Variants in MACROD2 observed in about 807,000 individuals in gnomAD.
MACROD2 encodes mono-ADP ribosylhydrolase 2.
Under a neutral mutation model 70.4 loss-of-function variants are expected in MACROD2, and 36 were observed. The ratio of observed to expected loss-of-function variants is 0.51; its 90% CI spans 0.39 to 0.68. The LOEUF is 0.68. Among genes scored for constraint, MACROD2 ranks in the 30% least tolerant of loss-of-function variants. MACROD2 has a pLI of 0.00. For missense variants in MACROD2, 496 were observed against 538.4 expected (o/e 0.92, Z 0.78); for synonymous variants, 172 against 178.8 (o/e 0.96, Z 0.30).
intron 8 of MACROD2, among the ~76,000 whole-genome samples, chr20:15,519,423 C>T (rs948886860): frequency 1.3e-5 from 2 of 152,128 alleles, no homozygotes; most frequent in Non-Finnish European, 2.9e-5. Context: ...CGTGCCCAGC[C>T]GTTTCTCTGT....
intron 5 of MACROD2, among the ~76,000 whole-genome samples, chr20:14,957,002 T>C (rs779132017): frequency 3.2e-4 from 48 of 152,200 alleles, no homozygotes; most frequent in Non-Finnish European, 5.4e-4. Context: ...AATTACAGTG[T>C]TACTTTATTT....
intron 3 of MACROD2, among the ~76,000 whole-genome samples, chr20:14,190,276 A>C (rs2081374261): frequency 6.6e-6 from 1 of 152,166 alleles, no homozygotes; most frequent in Admixed American, 6.5e-5. Context: ...TACCAATGAG[A>C]AGCCCAGACA....
intron 2 of MACROD2, among the ~76,000 whole-genome samples, chr20:14,033,767 C>G (rs2053273833): frequency 6.6e-6 from 1 of 152,112 alleles, no homozygotes; most frequent in Admixed American, 6.5e-5. Flanking sequence ...GCACCCTAGT[C>G]TTGATTTACT....
chr20:15,376,292 C>T (rs2045561361), intron 6 of MACROD2, among the ~76,000 whole-genome samples: 1 of 151,998 alleles, frequency 6.6e-6, no homozygotes, highest in Non-Finnish European at 1.5e-5. Context: ...TAAATATCAG[C>T]AGTGCAAGGA....
At chr20:14,065,812 G>GAGTC (rs2053748473) in intron 2 of MACROD2, among the ~76,000 whole-genome samples, 1 of 152,180 alleles carries the variant, frequency 6.6e-6, no homozygotes, top group African/African-American at 2.4e-5. Context: ...ACTCTTGAAA[G>GAGTC]AGGGGTTAAT....
intron 5 of MACROD2, among the ~76,000 whole-genome samples, chr20:15,043,681 TC>T (rs2075371762): frequency 6.6e-6 from 1 of 152,162 alleles, no homozygotes; most frequent in Non-Finnish European, 1.5e-5. Flanking sequence ...TGTGCTTCTC[TC>T]TAACACTTTG....
At chr20:14,611,609 C>G (rs1035503921) in intron 4 of MACROD2, among the ~76,000 whole-genome samples, 1 of 152,030 alleles carries the variant, frequency 6.6e-6, no homozygotes, top group African/African-American at 2.4e-5. Flanking sequence ...AAGGGCCTGG[C>G]TCAGTGCCTG....
At chr20:14,074,218 C>T (rs985249402) in intron 2 of MACROD2, among the ~76,000 whole-genome samples, 3 of 152,132 alleles carry the variant, frequency 2.0e-5, no homozygotes, top group Non-Finnish European at 4.4e-5. Context: ...GAGCTCAGTT[C>T]GATACTGACG....
intron 3 of MACROD2, among the ~76,000 whole-genome samples, chr20:14,236,255 A>G (rs2081869874): frequency 1.3e-5 from 2 of 152,248 alleles, no homozygotes; most frequent in Admixed American, 6.5e-5. Context: ...TAAAAATGAA[A>G]CAGTAGTTTG....
intron 8 of MACROD2, among the ~76,000 whole-genome samples, chr20:15,537,284 C>T (rs189463637): frequency 1.3e-3 from 205 of 152,200 alleles, no homozygotes; most frequent in Admixed American, 2.2e-3. Context: ...CCTCCCCAGC[C>T]ATGTGGAATT....
intron 4 of MACROD2, among the ~76,000 whole-genome samples, chr20:14,535,528 AAGAG>A (rs1444493869): frequency 1.4e-5 from 2 of 146,572 alleles, no homozygotes; most frequent in Non-Finnish European, 3.0e-5. Context: ...AAAAAAAAAA[AAGAG>A]TTATCCTTTT....
intron 3 of MACROD2, among the ~76,000 whole-genome samples, chr20:14,251,463 C>G (rs987124070): frequency 1.3e-5 from 2 of 152,036 alleles, no homozygotes; most frequent in African/African-American, 4.8e-5. Flanking sequence ...GAACACACCA[C>G]ACTTTCAGAT....
At chr20:15,624,013 CAAGG>C (rs1265753714) in intron 8 of MACROD2, among the ~76,000 whole-genome samples, 1 of 152,150 alleles carries the variant, frequency 6.6e-6, no homozygotes, top group Non-Finnish European at 1.5e-5. Context: ...AGCTGAGGAA[CAAGG>C]AAGCCAGGAG....
chr20:14,184,129 T>C (rs1254776674), intron 3 of MACROD2, among the ~76,000 whole-genome samples: 2 of 152,194 alleles, frequency 1.3e-5, no homozygotes, highest in Non-Finnish European at 2.9e-5. Context: ...TGAATTGTAT[T>C]GCATATGTTT....
intron 6 of MACROD2, among the ~76,000 whole-genome samples, chr20:15,314,011 A>G: frequency 6.6e-6 from 1 of 152,204 alleles, no homozygotes; most frequent in East Asian, 1.9e-4. Flanking sequence ...AATAATGGGT[A>G]GCTCTTCATG....
At chr20:14,131,185 G>A (rs1841261200) in intron 3 of MACROD2, among the ~76,000 whole-genome samples, 1 of 152,090 alleles carries the variant, frequency 6.6e-6, no homozygotes, top group Admixed American at 6.6e-5. Flanking sequence ...ATTGGATAAT[G>A]ACTTCTTTAA....
chr20:15,932,669 T>C (rs894238583), intron 10 of MACROD2, among the ~76,000 whole-genome samples: 1 of 152,200 alleles, frequency 6.6e-6, no homozygotes. Flanking sequence ...TCCACAGATA[T>C]AGTAGCTATT....
At chr20:15,154,419 T>G (rs1177682684) in intron 5 of MACROD2, among the ~76,000 whole-genome samples, 1 of 152,218 alleles carries the variant, frequency 6.6e-6, no homozygotes, top group Non-Finnish European at 1.5e-5. Flanking sequence ...CTACCTACTT[T>G]GGGCAGATGA....
At chr20:15,139,728 T>A (rs1287099951) in intron 5 of MACROD2, among the ~76,000 whole-genome samples, 1 of 152,132 alleles carries the variant, frequency 6.6e-6, no homozygotes, top group African/African-American at 2.4e-5. Context: ...AGAGCAGGTG[T>A]TGGGTAAGTC....
Sources: allele counts gnomAD v4.1 joint callset (sites outside exome capture counted in the v4.1 genomes callset), GRCh38; gene constraint gnomAD v4.1.1; transcripts MANE v1.5; gene names NCBI Gene and HGNC (gene_info 2026-07-23, HGNC 2026-07-21).